Variants in ASTN2 observed in about 807,000 individuals in gnomAD.
ASTN2 encodes astrotactin-2.
ASTN2 carries 54 observed loss-of-function variants against 139.8 expected under a neutral mutation model. That is an observed-to-expected ratio of 0.39 (90% CI 0.31 to 0.48). The LOEUF (loss-of-function observed/expected upper bound fraction) is 0.48, where lower values mean the gene tolerates loss of function less well. Among genes scored for constraint, ASTN2 ranks in the 20% least tolerant of loss-of-function variants. ASTN2 has a pLI of 0.95. For missense variants in ASTN2, 1,565 were observed against 1,725.1 expected (o/e 0.91, Z 1.64); for synonymous variants, 756 against 719.5 (o/e 1.05, Z -0.81).
At chr9:116,869,926 G>T (rs1171193119) in intron 10 of ASTN2, among the ~76,000 whole-genome samples, 1 of 150,508 alleles carries the variant, frequency 6.6e-6, no homozygotes, top group Non-Finnish European at 1.5e-5. Context: ...CAACAGAGTG[G>T]GATCCCATTT....
intron 1 of ASTN2, among the ~76,000 whole-genome samples, chr9:117,325,993 G>T (rs1346544331): frequency 6.6e-6 from 1 of 152,118 alleles, no homozygotes; most frequent in Non-Finnish European, 1.5e-5. Context: ...CCCTGAGGGA[G>T]GGGTGGGGCA....
At chr9:116,507,151 T>A (rs1409231077) in intron 19 of ASTN2, among the ~76,000 whole-genome samples, 1 of 152,114 alleles carries the variant, frequency 6.6e-6, no homozygotes, top group Non-Finnish European at 1.5e-5. Context: ...GATGAAGAAA[T>A]GGAGACGCAA....
intron 2 of ASTN2, among the ~76,000 whole-genome samples, chr9:117,230,342 G>C (rs977865211): frequency 2.0e-5 from 3 of 152,110 alleles, no homozygotes; most frequent in African/African-American, 7.2e-5. Flanking sequence ...CTCACTTCTG[G>C]TGGCTCCTGG....
chr9:116,516,431 T>G (rs1386077882), intron 19 of ASTN2, among the ~76,000 whole-genome samples: 1 of 152,234 alleles, frequency 6.6e-6, no homozygotes, highest in Non-Finnish European at 1.5e-5. Flanking sequence ...CATTTGATCT[T>G]TATTGTAATG....
chr9:116,726,224 A>G (rs1165581868), intron 15 of ASTN2, among the ~76,000 whole-genome samples: 1 of 152,196 alleles, frequency 6.6e-6, no homozygotes, highest in African/African-American at 2.4e-5. Flanking sequence ...ATGGGAACTT[A>G]AAAAAGATAA....
At chr9:117,277,897 T>C (rs16934447) in intron 2 of ASTN2, among the ~76,000 whole-genome samples, 1,573 of 152,338 alleles carry the variant, frequency 0.01, 24 homozygotes, top group African/African-American at 0.036. Flanking sequence ...CTCTGATAGA[T>C]TCATTTTCAC....
At chr9:116,615,439 G>A (rs537560234) in intron 19 of ASTN2, among the ~76,000 whole-genome samples, 3,730 of 151,976 alleles carry the variant, frequency 0.025, 144 homozygotes, top group African/African-American at 0.085. Context: ...TGTTTATTGT[G>A]GCACTATTCA....
chr9:117,047,831 T>C (rs959341577), intron 5 of ASTN2, among the ~76,000 whole-genome samples: 3 of 152,010 alleles, frequency 2.0e-5, no homozygotes, highest in African/African-American at 7.3e-5. Flanking sequence ...TAGTAAAGGA[T>C]GCCATAATAA....
At chr9:116,552,734 A>T (rs942556852) in intron 19 of ASTN2, among the ~76,000 whole-genome samples, 3 of 152,198 alleles carry the variant, frequency 2.0e-5, no homozygotes, top group Admixed American at 1.3e-4. Flanking sequence ...TCAGGAGTCA[A>T]AGCAAAAATA....
At chr9:117,325,836 T>C (rs889434755) in intron 1 of ASTN2, among the ~76,000 whole-genome samples, 5 of 152,090 alleles carry the variant, frequency 3.3e-5, no homozygotes, top group Non-Finnish European at 7.4e-5. Context: ...AAGGGGTCCT[T>C]AATAATCATC....
At chr9:116,880,448 C>G (rs1833423493) in intron 10 of ASTN2, among the ~76,000 whole-genome samples, 1 of 152,150 alleles carries the variant, frequency 6.6e-6, no homozygotes. Flanking sequence ...TAATTCTTTC[C>G]TGAAGGGGCA....
At chr9:116,657,708 G>T (rs963976651) in intron 16 of ASTN2, among the ~76,000 whole-genome samples, 1 of 152,176 alleles carries the variant, frequency 6.6e-6, no homozygotes, top group African/African-American at 2.4e-5. Flanking sequence ...GGGCCTGTTG[G>T]CACACGCCTG....
chr9:117,379,301 G>A lies in ASTN2; in HGVS notation c.442+35196C>T, dbSNP rs148109753. 2.3e-3 allele frequency among the ~76,000 whole-genome samples: 348 copies of A among 152,216 alleles called. 2 individuals carry two copies. The highest frequency in any genetic ancestry group is 7.9e-3 in the African/African-American group (329 of 41,536). On this transcript the variant is annotated intron_variant, in intron 1 of 22. Coordinates refer to ENST00000313400, the MANE Select transcript of ASTN2 (RefSeq NM_001365068.1). ...GCGAAAAAGGCTTGTGAGGCAAGAC[G>A]CCCCTTGCAGGAGCAAAGGGACCCG...
intron 10 of ASTN2, among the ~76,000 whole-genome samples, chr9:116,883,976 T>C (rs994417145): frequency 2.0e-5 from 3 of 152,170 alleles, no homozygotes; most frequent in African/African-American, 7.2e-5. Flanking sequence ...GAAGGGATGC[T>C]AGTCTTGTGG....
At chr9:116,972,346 A>G (rs1008231710) in intron 10 of ASTN2, among the ~76,000 whole-genome samples, 1 of 151,904 alleles carries the variant, frequency 6.6e-6, no homozygotes, top group East Asian at 1.9e-4. Flanking sequence ...ATGGCATTCC[A>G]TTGTGTTATT....
intron 19 of ASTN2, among the ~76,000 whole-genome samples, chr9:116,576,525 C>T (rs1853727842): frequency 6.6e-6 from 1 of 152,128 alleles, no homozygotes; most frequent in Non-Finnish European, 1.5e-5. Context: ...AGGGGATGAT[C>T]CTACAGGCTG....
chr9:116,651,514 C>T lies in ASTN2; in HGVS notation c.3072+14G>A, dbSNP rs745732510. ...GGTCAAGTTTGACTGAGTGGCTGGG[C>T]CAGGGGAGCTCACCTCCTTTGTGCC... On this transcript the variant is annotated intron_variant, in intron 17 of 22. Coordinates refer to ENST00000313400, the MANE Select transcript of ASTN2 (RefSeq NM_001365068.1). 1.8e-5 allele frequency: 29 copies of T among 1,608,984 alleles called. No individual in the cohort carries two copies. The highest frequency in any genetic ancestry group is 2.4e-5 in the Non-Finnish European group (28 of 1,177,022).
chr9:117,003,960 G>T (rs1837281151), intron 7 of ASTN2, among the ~76,000 whole-genome samples: 3 of 149,470 alleles, frequency 2.0e-5, no homozygotes, highest in Non-Finnish European at 3.0e-5. Flanking sequence ...GCGCGTGTGT[G>T]TGTGTGTGTG....
chr9:117,096,319 A>G (rs1361751634), intron 4 of ASTN2, among the ~76,000 whole-genome samples, 168 bp from the exon 5 acceptor site: 7 of 152,210 alleles, frequency 4.6e-5, no homozygotes, highest in Non-Finnish European at 8.8e-5. Context: ...TCTGCAGTGA[A>G]GCAGATCTTG....
Sources: allele counts gnomAD v4.1 joint callset (sites outside exome capture counted in the v4.1 genomes callset), GRCh38; gene constraint gnomAD v4.1.1; transcripts MANE v1.5; gene names NCBI Gene and HGNC (gene_info 2026-07-23, HGNC 2026-07-21).